The following ARHGAP21 variants were observed in gnomAD, a reference collection of about 807,000 sequenced individuals.
ARHGAP21 encodes the protein rho GTPase-activating protein 21.
Under a neutral mutation model 164.6 loss-of-function variants are expected in ARHGAP21, and 38 were observed. The ratio of observed to expected loss-of-function variants is 0.23; its 90% CI spans 0.18 to 0.30. ARHGAP21 has a LOEUF of 0.30. Ranked by LOEUF, ARHGAP21 falls within the 10% of genes least tolerant of loss-of-function variation. ARHGAP21 has a pLI of 1.00. For missense variants in ARHGAP21, 1,822 were observed against 2,370.7 expected (o/e 0.77, Z 4.81); for synonymous variants, 766 against 857.9 (o/e 0.89, Z 1.87).
intron 4 of ARHGAP21, among the ~76,000 whole-genome samples, chr10:24,661,018 T>C (rs1054539809): frequency 6.6e-6 from 1 of 152,094 alleles, no homozygotes; most frequent in African/African-American, 2.4e-5. Flanking sequence ...CAGTCCCAGC[T>C]GCCGAAAGAC....
intron 2 of ARHGAP21, among the ~76,000 whole-genome samples, chr10:24,684,312 A>C (rs1842031575): frequency 6.6e-6 from 1 of 152,112 alleles, no homozygotes; most frequent in African/African-American, 2.4e-5. Flanking sequence ...CCCAGCAAAA[A>C]AACAACTTGA....
At chr10:24,666,904 A>G (rs1840249278) in intron 4 of ARHGAP21, 81 bp downstream of exon 4, 3 of 1,006,136 alleles carry the variant, frequency 3.0e-6, no homozygotes, top group African/African-American at 3.3e-5. Context: ...AAATTATATC[A>G]TCTCATTTAG....
intron 13 of ARHGAP21, 27 bp from the exon 14 acceptor site, chr10:24,600,957 T>G: frequency 5.0e-6 from 8 of 1,597,530 alleles, no homozygotes; most frequent in Non-Finnish European, 6.8e-6. Flanking sequence ...AGTTCTTTAA[T>G]AGTCAATATT....
intron 2 of ARHGAP21, among the ~76,000 whole-genome samples, chr10:24,682,175 A>AT (rs1279564083): frequency 6.6e-6 from 1 of 152,064 alleles, no homozygotes; most frequent in Non-Finnish European, 1.5e-5. Flanking sequence ...ACGTATTGTG[A>AT]TACCACTTTT....
chr10:24,604,221 T>G, intron 12 of ARHGAP21, 91 bp downstream of exon 12: 1 of 869,620 alleles, frequency 1.1e-6, no homozygotes, highest in Non-Finnish European at 1.7e-6. Context: ...TAAAAGATTA[T>G]AATATTTAAA....
chr10:24,587,993 C>CA (rs746844252), intron 25 of ARHGAP21, among the ~76,000 whole-genome samples: 8 of 152,266 alleles, frequency 5.3e-5, no homozygotes, highest in Non-Finnish European at 1.0e-4. Flanking sequence ...GCAGGGATTT[C>CA]AAACAGGTCT....
At chr10:24,622,613 T>C (rs1393345831) in intron 8 of ARHGAP21, 120 bp downstream of exon 8, 7 of 1,061,514 alleles carry the variant, frequency 6.6e-6, no homozygotes, top group African/African-American at 1.6e-5. Flanking sequence ...ATTAGTAAGA[T>C]TAACACGATA....
chr10:24,718,641 A>G (rs1213242650), intron 2 of ARHGAP21, among the ~76,000 whole-genome samples: 2 of 152,216 alleles, frequency 1.3e-5, no homozygotes, highest in Non-Finnish European at 2.9e-5. Context: ...AGGAAGAGTC[A>G]ACACATGGAT....
chr10:24,717,087 G>A (rs1303658239), intron 2 of ARHGAP21, among the ~76,000 whole-genome samples: 3 of 152,154 alleles, frequency 2.0e-5, no homozygotes, highest in Non-Finnish European at 4.4e-5. Context: ...TCAATTATCT[G>A]CATATACTTG....
chr10:24,633,938 G>GGC lies in ARHGAP21; in HGVS notation c.362-460_362-459dup, dbSNP rs1836110622. On this transcript the variant is annotated intron_variant, in intron 5 of 25. Coordinates refer to ENST00000396432, the MANE Select transcript of ARHGAP21 (RefSeq NM_020824.4). ...GACAGAGTCTCACTCTTGTCTCCCA[G>GGC]GCTGGAGTACAGTGGTGCAATCTCG... is the stretch of plus-strand genomic sequence containing the variant. 2.5e-5 allele frequency among the ~76,000 whole-genome samples: 3 copies of GGC among 120,484 alleles called. No homozygotes were observed. The South Asian group carries it at 8.2e-4, about 33-fold the overall frequency. The allele number at this position is 120,484 out of a possible 152,430, so 79.0% of individuals were successfully genotyped here.
At chr10:24,646,802 G>A (rs1214762477) in intron 4 of ARHGAP21, among the ~76,000 whole-genome samples, 1 of 151,970 alleles carries the variant, frequency 6.6e-6, no homozygotes, top group Non-Finnish European at 1.5e-5. Flanking sequence ...ATTATACAAT[G>A]CATATATGCA....
At chr10:24,617,987 G>A (rs1834151078) in intron 9 of ARHGAP21, among the ~76,000 whole-genome samples, 1 of 152,122 alleles carries the variant, frequency 6.6e-6, no homozygotes, top group African/African-American at 2.4e-5. Flanking sequence ...TAAATGGCGT[G>A]CTCCCTGGAG....
chr10:24,605,254 G>A (rs1447902326), intron 11 of ARHGAP21, among the ~76,000 whole-genome samples: 1 of 152,134 alleles, frequency 6.6e-6, no homozygotes, highest in Non-Finnish European at 1.5e-5. Flanking sequence ...TGATTTCTGA[G>A]AGATTGAAAC....
At chr10:24,607,022 A>G (rs1171678764) in intron 11 of ARHGAP21, among the ~76,000 whole-genome samples, 1 of 152,202 alleles carries the variant, frequency 6.6e-6, no homozygotes, top group Non-Finnish European at 1.5e-5. Context: ...TTGGTTAAGT[A>G]TATTATGGTA....
chr10:24,637,680 T>C (rs968385606), intron 4 of ARHGAP21, among the ~76,000 whole-genome samples: 1 of 152,206 alleles, frequency 6.6e-6, no homozygotes, highest in African/African-American at 2.4e-5. Flanking sequence ...GTGGTGTTAA[T>C]TCTACAAAAG....
rs1052924431 is a variant in ARHGAP21 at position 24,619,458 on chromosome 10, T to C, written c.2422+15A>G. The C allele has an allele frequency of 1.7e-5, 28 of 1,607,550 alleles. No homozygotes were observed. The highest frequency in any genetic ancestry group is 2.7e-5 in the African/African-American group (2 of 74,554). On this transcript the variant is annotated intron_variant, in intron 9 of 25. Coordinates refer to ENST00000396432, the MANE Select transcript of ARHGAP21 (RefSeq NM_020824.4). ...TACATTTGGCATATTAGCCAATGAC[T>C]CTAAATGAGCTCACCTATAAATGGG... is the stretch of plus-strand genomic sequence containing the variant.
chr10:24,662,978 T>TC (rs1554994031), intron 4 of ARHGAP21, among the ~76,000 whole-genome samples: 14 of 151,392 alleles, frequency 9.2e-5, no homozygotes, highest in Non-Finnish European at 1.9e-4. Context: ...TTTTTTTTTT[T>TC]CAGTAAAAAT....
chr10:24,667,781 T>C (rs934917979), intron 3 of ARHGAP21, among the ~76,000 whole-genome samples: 2 of 151,900 alleles, frequency 1.3e-5, no homozygotes, highest in Non-Finnish European at 2.9e-5. Context: ...CTTCTGATTA[T>C]AAGATCTAGT....
At chr10:24,604,738 A>T (rs1393046013) in intron 11 of ARHGAP21, among the ~76,000 whole-genome samples, 1 of 152,160 alleles carries the variant, frequency 6.6e-6, no homozygotes, top group Admixed American at 6.5e-5. Flanking sequence ...AGCCAGCTTC[A>T]GGGAGATGCT....
Sources: allele counts gnomAD v4.1 joint callset (sites outside exome capture counted in the v4.1 genomes callset), GRCh38; gene constraint gnomAD v4.1.1; transcripts MANE v1.5; gene names NCBI Gene and HGNC (gene_info 2026-07-23, HGNC 2026-07-21).